ANKRD6: variants seen among roughly 807,000 people sequenced by gnomAD.
ANKRD6 encodes ankyrin repeat domain-containing protein 6.
ANKRD6 carries 56 observed loss-of-function variants against 82.3 expected under a neutral mutation model. That is an observed-to-expected ratio of 0.68 (90% CI 0.55 to 0.85). The LOEUF is 0.85. Among genes scored for constraint, ANKRD6 ranks in the 40% least tolerant of loss-of-function variants. ANKRD6 has a pLI of 0.00. For missense variants in ANKRD6, 852 were observed against 907.6 expected, an observed-to-expected ratio of 0.94 and a Z score of 0.79; for synonymous variants, 347 against 352.1, an observed-to-expected ratio of 0.99 and a Z score of 0.16.
intron 13 of ANKRD6, among the ~76,000 whole-genome samples, chr6:89,626,672 G>C (rs1337962307): frequency 2.0e-5 from 3 of 152,224 alleles, no homozygotes; most frequent in Non-Finnish European, 4.4e-5. Flanking sequence ...AGCCTTCGCG[G>C]ATTGGCTCTT....
At chr6:89,439,899 G>GT (rs1449625249) in intron 1 of ANKRD6, among the ~76,000 whole-genome samples, 1 of 152,054 alleles carries the variant, frequency 6.6e-6, no homozygotes, top group African/African-American at 2.4e-5. Flanking sequence ...GTTTTACCAT[G>GT]TTAGCCAGGC....
intron 2 of ANKRD6, among the ~76,000 whole-genome samples, chr6:89,587,056 T>A (rs1453015408): frequency 1.3e-5 from 2 of 151,846 alleles, no homozygotes; most frequent in Non-Finnish European, 2.9e-5. Context: ...CGGGGCATGG[T>A]GGTGGGCACC....
At chr6:89,478,346 C>T (rs1443654659) in intron 1 of ANKRD6, 1 of 152,130 alleles carries the variant, frequency 6.6e-6, no homozygotes, top group Non-Finnish European at 1.5e-5. Context: ...TGGAGCAGGT[C>T]AAAACTCCCT....
chr6:89,624,122 C>T (rs1405852179), intron 12 of ANKRD6, 65 bp downstream of exon 12: 24 of 1,491,684 alleles, frequency 1.6e-5, no homozygotes, highest in Non-Finnish European at 2.2e-5. Context: ...TGTTTAACGG[C>T]ATTCCTGGGG....
At chr6:89,532,847 A>G (rs1396116817) in intron 1 of ANKRD6, among the ~76,000 whole-genome samples, 1 of 150,884 alleles carries the variant, frequency 6.6e-6, no homozygotes, top group Non-Finnish European at 1.5e-5. Flanking sequence ...GATCACAGCC[A>G]TGTGCCACCA....
chr6:89,548,879 G>C (rs1785448893), intron 1 of ANKRD6, among the ~76,000 whole-genome samples: 1 of 152,186 alleles, frequency 6.6e-6, no homozygotes. Flanking sequence ...GCTATGGTTT[G>C]AATGTTTGTC....
At chr6:89,624,427 C>A in intron 12 of ANKRD6, 112 bp from the exon 13 acceptor site, 1 of 1,331,858 alleles carries the variant, frequency 7.5e-7, no homozygotes, top group Non-Finnish European at 1.0e-6. Context: ...ATGAGCCTAT[C>A]TCTTCCATCA....
intron 2 of ANKRD6, among the ~76,000 whole-genome samples, chr6:89,573,686 C>T (rs1583387625): frequency 2.0e-5 from 3 of 152,214 alleles, no homozygotes; most frequent in Admixed American, 2.0e-4. Flanking sequence ...TACCCTCTTG[C>T]TTACGGGACA....
At chr6:89,532,600 C>G (rs1415486722) in intron 1 of ANKRD6, among the ~76,000 whole-genome samples, 2 of 152,190 alleles carry the variant, frequency 1.3e-5, no homozygotes, top group Non-Finnish European at 2.9e-5. Context: ...GGGCAGGGAG[C>G]TTATCTGTTT....
At chr6:89,620,445 A>G (rs1337055291) in intron 9 of ANKRD6, among the ~76,000 whole-genome samples, 2 of 152,228 alleles carry the variant, frequency 1.3e-5, no homozygotes, top group African/African-American at 4.8e-5. Context: ...TCCATACATC[A>G]GGTGAGCAAT....
intron 1 of ANKRD6, among the ~76,000 whole-genome samples, chr6:89,493,040 G>A (rs1033345191): frequency 6.6e-6 from 1 of 152,142 alleles, no homozygotes; most frequent in Non-Finnish European, 1.5e-5. Flanking sequence ...TTGTAAAAAT[G>A]TCAAATGATA....
At chr6:89,438,612 T>C (rs1770944986) in intron 1 of ANKRD6, among the ~76,000 whole-genome samples, 1 of 152,218 alleles carries the variant, frequency 6.6e-6, no homozygotes, top group East Asian at 1.9e-4. Context: ...TTTTAACTGG[T>C]CAATTAAGTG....
chr6:89,542,669 G>A (rs140112390), intron 1 of ANKRD6, among the ~76,000 whole-genome samples: 2 of 152,192 alleles, frequency 1.3e-5, no homozygotes, highest in African/African-American at 2.4e-5. Flanking sequence ...TGCAAAACAC[G>A]GTGAAGACAA....
chr6:89,494,326 G>C (rs1778359597), intron 1 of ANKRD6, among the ~76,000 whole-genome samples: 1 of 152,206 alleles, frequency 6.6e-6, no homozygotes, highest in South Asian at 2.1e-4. Context: ...TGAAGAATTT[G>C]ATTAGATAGT....
chr6:89,547,594 A>G lies in ANKRD6; in HGVS notation c.-143-19240A>G, dbSNP rs13437015. On this transcript the variant is annotated intron_variant, in intron 1 of 15. Coordinates refer to ENST00000339746, the MANE Select transcript of ANKRD6 (RefSeq NM_001242809.2). ...CGGGGCTCGGGAAACAACTCTTGCC[A>G]TCCCCTCAGTATTAGTTGCTGTTTC... 1.3e-3 allele frequency among the ~76,000 whole-genome samples: 201 copies of G among 152,264 alleles called. 1 individual carries two copies. Among genetic ancestry groups the G allele is most frequent in the African/African-American group, 4.5e-3 (187 of 41,564 alleles).
At chr6:89,450,902 T>A (rs1001593260) in intron 1 of ANKRD6, among the ~76,000 whole-genome samples, 1 of 152,228 alleles carries the variant, frequency 6.6e-6, no homozygotes, top group African/African-American at 2.4e-5. Context: ...AATTTTTATA[T>A]GTACTAGGAA....
At chr6:89,579,567 T>C (rs1293249058) in intron 2 of ANKRD6, among the ~76,000 whole-genome samples, 2 of 151,816 alleles carry the variant, frequency 1.3e-5, no homozygotes, top group Non-Finnish European at 2.9e-5. Flanking sequence ...GGCCAGGAGT[T>C]CAAGACTAGT....
chr6:89,454,543 G>C (rs1418662667), intron 1 of ANKRD6, among the ~76,000 whole-genome samples: 3 of 152,224 alleles, frequency 2.0e-5, no homozygotes, highest in Non-Finnish European at 4.4e-5. Flanking sequence ...ATGCACATCT[G>C]TTAATTACAT....
intron 1 of ANKRD6, among the ~76,000 whole-genome samples, chr6:89,497,749 C>T (rs1423580085): frequency 6.6e-6 from 1 of 151,810 alleles, no homozygotes; most frequent in African/African-American, 2.4e-5. Context: ...AAAATTTATC[C>T]ATTATAACTA....
Sources: allele counts gnomAD v4.1 joint callset (sites outside exome capture counted in the v4.1 genomes callset), GRCh38; gene constraint gnomAD v4.1.1; transcripts MANE v1.5; gene names NCBI Gene and HGNC (gene_info 2026-07-23, HGNC 2026-07-21).